SORCS2: variants seen among roughly 807,000 people sequenced by gnomAD.
SORCS2 encodes the protein sortilin related VPS10 domain containing receptor 2.
Under a neutral mutation model 141.6 loss-of-function variants are expected in SORCS2, and 100 were observed. The observed-to-expected ratio is 0.71, with a 90% CI of 0.60 to 0.83. The LOEUF (loss-of-function observed/expected upper bound fraction) is 0.83, where lower values mean the gene tolerates loss of function less well. Among genes scored for constraint, SORCS2 ranks in the 40% least tolerant of loss-of-function variants. The probability of loss-of-function intolerance (pLI) is 0.00; values close to 1 mark genes in which losing one functional copy is unlikely to be tolerated. For missense variants in SORCS2, 1,646 were observed against 1,560.2 expected, an observed-to-expected ratio of 1.05 and a Z score of -0.93; for synonymous variants, 789 against 676.9, an observed-to-expected ratio of 1.17 and a Z score of -2.57.
At chr4:7,404,539 C>A (rs1724846542) in intron 2 of SORCS2, among the ~76,000 whole-genome samples, 1 of 152,066 alleles carries the variant, frequency 6.6e-6, no homozygotes, top group Admixed American at 6.5e-5. Flanking sequence ...TTTATTAATA[C>A]CCTTCTGACT....
intron 1 of SORCS2, among the ~76,000 whole-genome samples, chr4:7,373,458 T>TTA (rs1553850461): frequency 0.036 from 2,992 of 82,386 alleles, 174 homozygotes; most frequent in Non-Finnish European, 0.042. Context: ...TGAGAAACTT[T>TTA]TATATATATA....
At position 7,212,511 on chromosome 4, in the gene SORCS2, G is replaced by A. The variant is rs543778444; in HGVS notation, c.480+19385G>A. Among the ~76,000 whole-genome samples, 282 of 152,330 alleles carry A rather than the reference G, an allele frequency of 1.9e-3. 2 individuals are homozygous for A. The highest frequency in any genetic ancestry group is 3.4e-3 in the Middle Eastern group (1 of 294). Reference sequence around the variant, plus strand: ...ACTGGCTCTAGGCGTTCTAACATAGGCACCAGGCTTGGTTCCTTGTCTGTC... The same window carrying A: ...ACTGGCTCTAGGCGTTCTAACATAGACACCAGGCTTGGTTCCTTGTCTGTC... On this transcript the variant is annotated intron_variant, in intron 1 of 26. Coordinates refer to ENST00000507866, the MANE Select transcript of SORCS2 (RefSeq NM_020777.3).
chr4:7,297,687 C>T (rs559361584), intron 1 of SORCS2, among the ~76,000 whole-genome samples: 81 of 152,346 alleles, frequency 5.3e-4, no homozygotes, highest in Middle Eastern at 6.8e-3. Flanking sequence ...CAACCTGAGA[C>T]GAAAGAGCTG....
intron 3 of SORCS2, among the ~76,000 whole-genome samples, chr4:7,566,189 T>C (rs1332749817): frequency 6.6e-6 from 1 of 151,710 alleles, no homozygotes; most frequent in African/African-American, 2.4e-5. Context: ...GTGATATTGA[T>C]AATGGTGATG....
rs765132758 is a variant in SORCS2 at position 7,676,824 on chromosome 4, T to TCTCTCTCTCTCTCTCTCTCTCTCC, written c.1341+600_1341+601insTCTCTCTCTCTCTCTCTCCCTCTC. On this transcript the variant is annotated intron_variant, in intron 9 of 26. Coordinates refer to ENST00000507866, the MANE Select transcript of SORCS2 (RefSeq NM_020777.3). The stretch of plus-strand genomic sequence containing the variant: ...TTCTGTCTCTCTCTCTCTCTCTCTC[T>TCTCTCTCTCTCTCTCTCTCTCTCC]CTCTCCCTCTCTCCACCCCAGCCCT... 4.9e-3 allele frequency among the ~76,000 whole-genome samples: 242 copies of TCTCTCTCTCTCTCTCTCTCTCTCC among 49,076 alleles called. 80 individuals carry two copies. Among genetic ancestry groups the TCTCTCTCTCTCTCTCTCTCTCTCC allele is most frequent in the Non-Finnish European group, 6.0e-3 (154 of 25,624 alleles). The allele number at this position is 49,076 out of a possible 152,430, so 32.2% of individuals were successfully genotyped here.
chr4:7,331,891 G>T (rs1304781859), intron 1 of SORCS2, among the ~76,000 whole-genome samples: 1 of 152,186 alleles, frequency 6.6e-6, no homozygotes, highest in African/African-American at 2.4e-5. Context: ...GGAGCTGTCT[G>T]AGATGTCGCA....
At chr4:7,390,362 G>A (rs1024280883) in intron 1 of SORCS2, among the ~76,000 whole-genome samples, 8 of 152,218 alleles carry the variant, frequency 5.3e-5, no homozygotes, top group Admixed American at 6.5e-5. Flanking sequence ...CTGTGTGGAA[G>A]ACTCAGTGTC....
At chr4:7,343,192 C>T (rs1018460132) in intron 1 of SORCS2, among the ~76,000 whole-genome samples, 3 of 152,212 alleles carry the variant, frequency 2.0e-5, no homozygotes, top group Admixed American at 1.3e-4. Flanking sequence ...CGCCCTCAGA[C>T]GTGAGGTGGG....
chr4:7,655,619 G>A (rs1288016626), intron 5 of SORCS2, among the ~76,000 whole-genome samples: 1 of 152,220 alleles, frequency 6.6e-6, no homozygotes, highest in African/African-American at 2.4e-5. Flanking sequence ...GAGAGGCGAC[G>A]GCCGTCTGTC....
chr4:7,249,896 G>C (rs529817473), intron 1 of SORCS2, among the ~76,000 whole-genome samples: 1 of 152,324 alleles, frequency 6.6e-6, no homozygotes, highest in African/African-American at 2.4e-5. Context: ...AGGGCCCACG[G>C]TGCGTGTGAG....
chr4:7,296,793 G>A (rs1319409319), intron 1 of SORCS2, among the ~76,000 whole-genome samples: 1 of 152,144 alleles, frequency 6.6e-6, no homozygotes, highest in African/African-American at 2.4e-5. Flanking sequence ...CCGGAGAGGT[G>A]ACCCCCCAAC....
At chr4:7,619,990 G>C (rs142385231) in intron 3 of SORCS2, among the ~76,000 whole-genome samples, 1 of 152,162 alleles carries the variant, frequency 6.6e-6, no homozygotes, top group East Asian at 1.9e-4. Flanking sequence ...GCTGCATCTA[G>C]TTACACCTCT....
intron 2 of SORCS2, among the ~76,000 whole-genome samples, chr4:7,497,921 T>C (rs1316493034): frequency 1.3e-5 from 2 of 152,226 alleles, no homozygotes; most frequent in Non-Finnish European, 2.9e-5. Context: ...TTTTAAGAAA[T>C]GCGTTTCACT....
chr4:7,647,227 G>T (rs1457440579), intron 4 of SORCS2, among the ~76,000 whole-genome samples: 1 of 152,150 alleles, frequency 6.6e-6, no homozygotes, highest in Non-Finnish European at 1.5e-5. Context: ...GGGTTTAGAT[G>T]GGCTGAGCAA....
chr4:7,481,934 C>T (rs1447328115), intron 2 of SORCS2, among the ~76,000 whole-genome samples: 1 of 142,916 alleles, frequency 7.0e-6, no homozygotes, highest in Non-Finnish European at 1.6e-5. Context: ...TGACGTTGTT[C>T]AGACCTGTAT....
chr4:7,655,992 C>T (rs1361018469), intron 5 of SORCS2, among the ~76,000 whole-genome samples: 6 of 152,232 alleles, frequency 3.9e-5, no homozygotes, highest in Non-Finnish European at 7.3e-5. Flanking sequence ...GAGGGAATCA[C>T]AGCAGACACT....
intron 3 of SORCS2, among the ~76,000 whole-genome samples, chr4:7,632,490 C>G (rs1035239191): frequency 6.6e-6 from 1 of 152,218 alleles, no homozygotes; most frequent in African/African-American, 2.4e-5. Context: ...TTCCTCTCCC[C>G]CGTCTTTCCT....
At chr4:7,211,918 G>A (rs760369499) in intron 1 of SORCS2, among the ~76,000 whole-genome samples, 42 of 152,152 alleles carry the variant, frequency 2.8e-4, no homozygotes, top group Non-Finnish European at 5.0e-4. Flanking sequence ...AGTGTTTTTT[G>A]TAGTAGTGGA....
chr4:7,372,929 C>T (rs529347661), intron 1 of SORCS2, among the ~76,000 whole-genome samples: 58 of 151,728 alleles, frequency 3.8e-4, no homozygotes, highest in Non-Finnish European at 7.5e-4. Context: ...TTTGGTGCAA[C>T]GCAGTCTTCC....
Sources: gnomAD v4.1 joint callset for allele counts (sites outside exome capture counted in the v4.1 genomes callset) on GRCh38, gnomAD v4.1.1 for gene constraint, MANE v1.5 for transcripts, NCBI Gene and HGNC (gene_info 2026-07-23, HGNC 2026-07-21) for gene names.